Variants in SESN2 observed in about 807,000 individuals in gnomAD.
The protein encoded by SESN2 is sestrin 2, also known as sestrin-2.
Under a neutral mutation model 56.0 loss-of-function variants are expected in SESN2, and 42 were observed. The observed-to-expected ratio is 0.75, with a 90% CI of 0.59 to 0.97. The LOEUF (loss-of-function observed/expected upper bound fraction) is 0.97. SESN2 is among the 50% of genes least tolerant of loss of function. SESN2 has a pLI of 0.00. For synonymous variants in SESN2, 264 were observed against 267.1 expected (o/e 0.99, Z 0.11); for missense variants, 507 against 649.4 (o/e 0.78, Z 2.38).
intron 5 of SESN2, 27 bp from the exon 6 acceptor site, chr1:28,273,331 C>T (rs1647855275): frequency 7.8e-6 from 12 of 1,532,138 alleles, no homozygotes; most frequent in African/African-American, 1.4e-5. Context: ...GGAGGAGTAG[C>T]TGGTCACCAC....
At chr1:28,260,482 C>T (rs1040960675) in intron 1 of SESN2, among the ~76,000 whole-genome samples, 4 of 152,140 alleles carry the variant, frequency 2.6e-5, no homozygotes, top group African/African-American at 9.7e-5. Context: ...CTATGTCCAC[C>T]GCACTCCTGC....
chr1:28,266,280 T>C (rs1365034415), intron 1 of SESN2, among the ~76,000 whole-genome samples: 1 of 152,184 alleles, frequency 6.6e-6, no homozygotes, highest in African/African-American at 2.4e-5. Context: ...TTTGTAAAGC[T>C]TCTCAAAGGA....
chr1:28,272,190 G>C (rs779694355), intron 3 of SESN2, 94 bp from the exon 4 acceptor site: 71 of 1,303,400 alleles, frequency 5.4e-5, no homozygotes, highest in Non-Finnish European at 2.5e-5. Context: ...TTGGGGAACA[G>C]TGAGCCCTAC....
At chr1:28,260,189 A>C (rs1463619256) in intron 1 of SESN2, among the ~76,000 whole-genome samples, 2 of 72,386 alleles carry the variant, frequency 2.8e-5, no homozygotes, top group African/African-American at 5.4e-5. Flanking sequence ...TCACCGCCCC[A>C]CCCCAGGGCC....
chr1:28,263,785 C>G (rs1244468833), intron 1 of SESN2, among the ~76,000 whole-genome samples: 1 of 152,134 alleles, frequency 6.6e-6, no homozygotes, highest in African/African-American at 2.4e-5. Flanking sequence ...AGATTGGCTA[C>G]TTGTCAGCTG....
Position 28,280,769 on chromosome 1 carries a change from C to T in SESN2, c.1410C>T (p.Tyr470=), listed in dbSNP as rs1176180114. The change falls in exon 10 of 10, where the codon TAC becomes TAT. Residue 470 remains tyrosine (Y), a synonymous_variant. Coordinates refer to ENST00000253063, the MANE Select transcript of SESN2 (RefSeq NM_031459.5). ...CGCGCATGCAAGCCGCTCTGCTGTA[C>T]GCCCTCCGTGCCATCACCCGCTACA... The part of the protein sequence containing the change: ...LEARMQAALL[Y]ALRAITRYMT 8 of 1,613,548 alleles carry T rather than the reference C, an allele frequency of 5.0e-6. No individual in the cohort carries two copies. Among genetic ancestry groups the T allele is most frequent in the South Asian group, 1.1e-5 (1 of 91,090 alleles).
chr1:28,281,421 G>T lies in SESN2; in HGVS notation c.*619G>T, dbSNP rs771914639. On this transcript the variant is annotated 3_prime_UTR_variant, in exon 10 of 10. Coordinates refer to ENST00000253063, the MANE Select transcript of SESN2 (RefSeq NM_031459.5). The stretch of plus-strand genomic sequence containing the variant: ...TTCCCTTTTCTCCATGCTTAATGGT[G>T]TGAGGCGTCAGGAGAGAGGCCAAGT... 4 of 151,666 alleles carry T rather than the reference G, an allele frequency of 2.6e-5. No individual in the cohort carries two copies. Among genetic ancestry groups the T allele is most frequent in the African/African-American group, 4.9e-5 (2 of 41,224 alleles). 9.4% of individuals were successfully genotyped at this position (151,666 alleles called of 1,614,324 possible). A position where few individuals can be genotyped will look rare whatever the true frequency, so the allele number is the denominator to read the frequency against.
chr1:28,281,099 G>A lies in SESN2; in HGVS notation c.*297G>A, dbSNP rs996962059. ...AGGCAGAGGGCACAGGAAAGAAGCC[G>A]GGCCAAGCTCGGAATTAATGTGCCA... is the stretch of plus-strand genomic sequence containing the variant. On this transcript the variant is annotated 3_prime_UTR_variant, in exon 10 of 10. Transcript: ENST00000253063. 13 of 321,430 alleles carry A rather than the reference G, an allele frequency of 4.0e-5. No homozygotes were observed. The highest frequency in any genetic ancestry group is 1.7e-4 in the East Asian group (3 of 17,946). 19.9% of individuals were successfully genotyped at this position (321,430 alleles called of 1,614,324 possible). A position where few individuals can be genotyped will look rare whatever the true frequency, so the allele number is the denominator to read the frequency against.
chr1:28,272,749 G>A lies in SESN2; in HGVS notation c.706G>A (p.Glu236Lys). 6.2e-7 allele frequency: 1 copy of A among 1,611,560 alleles called. No individual in the cohort carries two copies. The highest frequency in any genetic ancestry group is 8.5e-7 in the Non-Finnish European group (1 of 1,178,080). Residue 236 changes from glutamate (E) to lysine (K), a missense_variant, in exon 5 of 10, where the codon GAA becomes AAA. Coordinates refer to ENST00000253063, the MANE Select transcript of SESN2 (RefSeq NM_031459.5). Reference protein sequence around the residue: ...PAPQAPTPPSEQSSPPSRDPL... With the variant: ...PAPQAPTPPSKQSSPPSRDPL... ...CCCCCAGGCACCTACACCCCCTAGT[G>A]AACAGAGCAGCCCCCCAAGCAGGGA...
Position 28,259,802 on chromosome 1 carries a change from G to T in SESN2, c.-46G>T, listed in dbSNP as rs1309219122. On this transcript the variant is annotated 5_prime_UTR_variant, in exon 1 of 10. Transcript: ENST00000253063. ...CGGGCGTCCCTCCGAAACCCACTCG[G>T]GTGCACGGGTCGTCGGCGAGCCGCG... The T allele has an allele frequency of 2.2e-6, 3 of 1,336,366 alleles. No homozygotes were observed. The highest frequency in any genetic ancestry group is 1.9e-6 in the Non-Finnish European group (2 of 1,033,698). 82.8% of individuals were successfully genotyped at this position (1,336,366 alleles called of 1,614,324 possible).
Position 28,259,907 on chromosome 1 carries a change from G to A in SESN2, c.60G>A (p.Pro20=), listed in dbSNP as rs1413276780. Residue 20 remains proline (P), a synonymous_variant, in exon 1 of 10, where the codon CCG becomes CCA. Transcript: ENST00000253063. The stretch of plus-strand genomic sequence containing the variant: ...TCAAGGACTACCTGCGGTTCGCCCC[G>A]GGCGGCGTCGGCGACTCGGGCCCCG... ...AELKDYLRFA[P]GGVGDSGPGE... is the part of the protein sequence containing the mutation. 2.0e-6 allele frequency: 3 copies of A among 1,472,828 alleles called. No homozygotes were observed. The highest frequency in any genetic ancestry group is 2.7e-6 in the Non-Finnish European group (3 of 1,116,644). The allele number at this position is 1,472,828 out of a possible 1,614,324, so 91.2% of individuals were successfully genotyped here. A position where few individuals can be genotyped will look rare whatever the true frequency, so the allele number is the denominator to read the frequency against.
intron 1 of SESN2, among the ~76,000 whole-genome samples, chr1:28,267,172 G>A (rs138037302): frequency 1.3e-5 from 2 of 152,166 alleles, no homozygotes; most frequent in Admixed American, 6.5e-5. Flanking sequence ...CTTTGGTGAG[G>A]GGGAGGGAAG....
At chr1:28,276,432 A>G (rs1444164590) in intron 8 of SESN2, among the ~76,000 whole-genome samples, 13 of 151,076 alleles carry the variant, frequency 8.6e-5, no homozygotes, top group Non-Finnish European at 1.9e-4. Flanking sequence ...TGAGCCATGA[A>G]TGCACCACTG....
intron 2 of SESN2, among the ~76,000 whole-genome samples, chr1:28,271,320 G>A (rs1456839586): frequency 6.6e-6 from 1 of 152,168 alleles, no homozygotes; most frequent in Non-Finnish European, 1.5e-5. Flanking sequence ...CTCCATGAAG[G>A]GAGGAGAAAC....
chr1:28,264,730 A>G lies in SESN2; in HGVS notation c.91-4453A>G, dbSNP rs981313477. ...TGCATTTGTCACATTTCAAATGCTCAGCCACAGTGACTAGAGACTCACATT... is the reference window on the plus strand; with the variant it reads ...TGCATTTGTCACATTTCAAATGCTCGGCCACAGTGACTAGAGACTCACATT... On this transcript the variant is annotated intron_variant, in intron 1 of 9. Transcript: ENST00000253063. 4.6e-5 allele frequency among the ~76,000 whole-genome samples: 7 copies of G among 152,248 alleles called. 1 individual carries two copies. The highest frequency in any genetic ancestry group is 1.7e-4 in the African/African-American group (7 of 41,468).
At chr1:28,274,481 T>C (rs1237683680) in intron 7 of SESN2, among the ~76,000 whole-genome samples, 1 of 151,790 alleles carries the variant, frequency 6.6e-6, no homozygotes, top group Non-Finnish European at 1.5e-5. Context: ...CAGTGAGCTG[T>C]GATCGCGCTA....
chr1:28,274,709 G>C, intron 7 of SESN2, 116 bp from the exon 8 acceptor site: 2 of 818,554 alleles, frequency 2.4e-6, no homozygotes, highest in East Asian at 4.9e-5. Context: ...CAAGCAGCAC[G>C]TTAGGTTTAT....
chr1:28,261,186 C>T (rs1336391416), intron 1 of SESN2, among the ~76,000 whole-genome samples: 1 of 152,120 alleles, frequency 6.6e-6, no homozygotes, highest in African/African-American at 2.4e-5. Context: ...TCTGGGGATC[C>T]TACCTCCGTC....
Position 28,272,301 on chromosome 1 carries a change from G to A in SESN2, c.372G>A (p.Gln124=), listed in dbSNP as rs750767144. The change falls in exon 4 of 10, where the codon CAG becomes CAA. Residue 124 remains glutamine (Q), a synonymous_variant. Coordinates refer to ENST00000253063, the MANE Select transcript of SESN2 (RefSeq NM_031459.5). ...CTCCGCAGGCTGCCGCCCGCCATCA[G>A]TGTTCTTACCTGGTAGGCTCCCACA... is the stretch of plus-strand genomic sequence containing the variant. ...YIAIMAAARH[Q]CSYLVGSHMA... is the part of the protein sequence containing the mutation. The A allele has an allele frequency of 1.2e-6, 2 of 1,614,018 alleles. No homozygotes were observed. The highest frequency in any genetic ancestry group is 1.7e-6 in the Non-Finnish European group (2 of 1,179,996).
Sources: allele counts gnomAD v4.1 joint callset (sites outside exome capture counted in the v4.1 genomes callset), GRCh38; gene constraint gnomAD v4.1.1; transcripts MANE v1.5; gene names NCBI Gene and HGNC (gene_info 2026-07-23, HGNC 2026-07-21).